MGAT5: variants seen among roughly 807,000 people sequenced by gnomAD.
The protein encoded by MGAT5 is alpha-1,6-mannosylglycoprotein 6-beta-N-acetylglucosaminyltransferase A.
A neutral mutation model predicts 94.3 loss-of-function variants in MGAT5; 30 were observed. The ratio of observed to expected loss-of-function variants is 0.32; its 90% CI spans 0.24 to 0.43. MGAT5 has a LOEUF of 0.43. MGAT5 is among the 20% of genes least tolerant of loss of function. The pLI, the probability that MGAT5 is intolerant of heterozygous loss-of-function variation, is 1.00. For missense variants in MGAT5, 691 were observed against 905.5 expected (o/e 0.76, Z 3.04); for synonymous variants, 310 against 322.9 (o/e 0.96, Z 0.43).
chr2:134,196,981 A>G (rs1679525135), intron 1 of MGAT5, among the ~76,000 whole-genome samples: 1 of 152,218 alleles, frequency 6.6e-6, no homozygotes, highest in African/African-American at 2.4e-5. Flanking sequence ...TGAATTTTCA[A>G]CTACTTTAAA....
intron 12 of MGAT5, among the ~76,000 whole-genome samples, chr2:134,417,381 CTG>C (rs1292655656): frequency 6.6e-6 from 1 of 152,068 alleles, no homozygotes; most frequent in Admixed American, 6.5e-5. Flanking sequence ...GATCCTTTTT[CTG>C]TTCCTGGATC....
At chr2:134,292,094 A>G (rs200268571) in intron 2 of MGAT5, among the ~76,000 whole-genome samples, 1 of 152,186 alleles carries the variant, frequency 6.6e-6, no homozygotes, top group East Asian at 1.9e-4. Flanking sequence ...ATAATTTTAA[A>G]ATAAAAGGAA....
intron 12 of MGAT5, among the ~76,000 whole-genome samples, chr2:134,422,385 T>C (rs1273643751): frequency 6.6e-6 from 1 of 152,222 alleles, no homozygotes; most frequent in Admixed American, 6.5e-5. Flanking sequence ...CACCATGACT[T>C]AGCCTCCTGG....
At chr2:134,153,149 A>G (rs1348857374) in intron 1 of MGAT5, among the ~76,000 whole-genome samples, 1 of 152,016 alleles carries the variant, frequency 6.6e-6, no homozygotes, top group African/African-American at 2.4e-5. Flanking sequence ...CGAACTCCTG[A>G]CCCCAAATGA....
At position 134,254,616 on chromosome 2, in the gene MGAT5, G is replaced by A. The variant is rs1682816519; in HGVS notation, c.213G>A (p.Gly71=). Residue 71 remains glycine, a synonymous_variant, in exon 1 of 16, where the codon GGG becomes GGA. Coordinates refer to ENST00000281923, the MANE Select transcript of MGAT5 (RefSeq NM_002410.5). ...LAEENRNVVD[G]PYAGVMTAYD... ...AAGAAAACAGGAATGTGGTGGATGG[G>A]CCATACGCTGGAGTCATGACAGCTT... The A allele has an allele frequency of 3.1e-6, 5 of 1,614,088 alleles. No individual in the cohort carries two copies. In the Admixed American group the frequency reaches 6.7e-5, roughly 22 times the overall value.
intron 4 of MGAT5, 111 bp downstream of exon 4, chr2:134,318,850 C>A: frequency 1.5e-6 from 1 of 680,824 alleles, no homozygotes. Context: ...ATGTGGAGGA[C>A]CTATGGTTCC....
At chr2:134,120,278 T>C in exon 1 of MGAT5, 1 of 389,610 alleles carries the variant, frequency 2.6e-6, no homozygotes, top group Non-Finnish European at 4.5e-6. Context: ...CTGCTGCTGC[T>C]GCCCAACAAG....
intron 11 of MGAT5, among the ~76,000 whole-genome samples, chr2:134,408,075 G>A (rs929723307): frequency 6.6e-6 from 1 of 152,088 alleles, no homozygotes; most frequent in South Asian, 2.1e-4. Flanking sequence ...TGTTATAAAC[G>A]GTACCATTTT....
chr2:134,251,355 G>C (rs1682581155), upstream of MGAT5, among the ~76,000 whole-genome samples: 1 of 152,218 alleles, frequency 6.6e-6, no homozygotes, highest in Non-Finnish European at 1.5e-5. Context: ...GACTTGGCGC[G>C]GAGCGGAGTG....
chr2:134,242,135 C>A (rs1435713187), intron 1 of MGAT5, among the ~76,000 whole-genome samples: 1 of 152,174 alleles, frequency 6.6e-6, no homozygotes, highest in Non-Finnish European at 1.5e-5. Flanking sequence ...GATTATAAAA[C>A]AACAAAAACT....
intron 1 of MGAT5, among the ~76,000 whole-genome samples, chr2:134,122,186 C>T (rs1685642794): frequency 6.6e-6 from 1 of 152,012 alleles, no homozygotes; most frequent in Non-Finnish European, 1.5e-5. Flanking sequence ...CTCACTGCAG[C>T]CTCAGCTTTC....
At chr2:134,257,855 T>G (rs1043059045) in intron 1 of MGAT5, among the ~76,000 whole-genome samples, 6 of 148,178 alleles carry the variant, frequency 4.0e-5, no homozygotes, top group Admixed American at 2.0e-4. Flanking sequence ...TTTTTTTTTT[T>G]GCCATAAATG....
At chr2:134,285,721 G>T (rs1212771310) in intron 2 of MGAT5, among the ~76,000 whole-genome samples, 2 of 152,008 alleles carry the variant, frequency 1.3e-5, no homozygotes, top group Non-Finnish European at 2.9e-5. Flanking sequence ...TCCATAACAT[G>T]TTTATGTTGC....
chr2:134,406,380 C>T (rs950166108), intron 11 of MGAT5, among the ~76,000 whole-genome samples: 2 of 152,174 alleles, frequency 1.3e-5, no homozygotes, highest in Non-Finnish European at 2.9e-5. Context: ...CATTCATTCA[C>T]CTCTCCAAGA....
At chr2:134,281,505 C>G (rs1023031878) in intron 2 of MGAT5, among the ~76,000 whole-genome samples, 2 of 152,152 alleles carry the variant, frequency 1.3e-5, no homozygotes, top group Admixed American at 6.5e-5. Flanking sequence ...CCAAGAAAAC[C>G]TATTGGCTTT....
At chr2:134,121,554 C>A (rs374126335) in intron 1 of MGAT5, among the ~76,000 whole-genome samples, 5 of 152,306 alleles carry the variant, frequency 3.3e-5, no homozygotes, top group African/African-American at 1.2e-4. Flanking sequence ...TAGGGCCCGG[C>A]CCTCCTGGGA....
intron 1 of MGAT5, among the ~76,000 whole-genome samples, chr2:134,147,519 C>T (rs1361320600): frequency 6.7e-6 from 1 of 150,186 alleles, no homozygotes; most frequent in South Asian, 2.1e-4. Context: ...AAAAATATTG[C>T]CATAATTAAA....
intron 1 of MGAT5, among the ~76,000 whole-genome samples, chr2:134,178,753 C>T (rs1688595832): frequency 6.6e-6 from 1 of 152,156 alleles, no homozygotes; most frequent in African/African-American, 2.4e-5. Flanking sequence ...TGCCACATTC[C>T]TTTGTGGCTT....
intron 1 of MGAT5, among the ~76,000 whole-genome samples, chr2:134,146,657 G>C (rs1272087263): frequency 6.6e-6 from 1 of 152,172 alleles, no homozygotes; most frequent in Non-Finnish European, 1.5e-5. Context: ...GTTTCTAATG[G>C]ATGTGAGAGG....
Sources: gnomAD v4.1 joint callset for allele counts (sites outside exome capture counted in the v4.1 genomes callset) on GRCh38, gnomAD v4.1.1 for gene constraint, MANE v1.5 for transcripts, NCBI Gene and HGNC (gene_info 2026-07-23, HGNC 2026-07-21) for gene names.